The following PIK3C2G variants were observed in gnomAD, a reference collection of about 807,000 sequenced individuals.
The protein encoded by PIK3C2G is phosphatidylinositol-4-phosphate 3-kinase catalytic subunit type 2 gamma.
In PIK3C2G, 168 loss-of-function variants were observed where a neutral mutation model predicts 181.1. The observed-to-expected ratio is 0.93, with a 90% CI of 0.82 to 1.05. The LOEUF (loss-of-function observed/expected upper bound fraction) is 1.05, where lower values mean the gene tolerates loss of function less well. Ranked by LOEUF, PIK3C2G falls within the 50% of genes least tolerant of loss-of-function variation. The pLI is 0.00. For synonymous variants in PIK3C2G, 573 were observed against 592.2 expected, an observed-to-expected ratio of 0.97 and a Z score of 0.47; for missense variants, 1,869 against 1,732.8, an observed-to-expected ratio of 1.08 and a Z score of -1.40.
chr12:18,392,463 A>G (rs953280694), intron 15 of PIK3C2G, among the ~76,000 whole-genome samples: 4 of 152,088 alleles, frequency 2.6e-5, no homozygotes, highest in Non-Finnish European at 4.4e-5. Context: ...TAAACTTCAA[A>G]TGTGCTAGTC....
At chr12:18,708,614 C>A in the PIK3C2G span, among the ~76,000 whole-genome samples, 1 of 152,144 alleles carries the variant, frequency 6.6e-6, no homozygotes, top group African/African-American at 2.4e-5. Flanking sequence ...TACCAATCTA[C>A]ATTTCCATCA....
chr12:18,516,349 G>C (rs899787250), intron 24 of PIK3C2G, among the ~76,000 whole-genome samples: 15 of 150,260 alleles, frequency 1.0e-4, no homozygotes, highest in Non-Finnish European at 1.8e-4. Context: ...CCCACTGAAA[G>C]CTGGATTGAG....
chr12:18,361,326 G>C (rs1026643278), intron 11 of PIK3C2G, among the ~76,000 whole-genome samples: 1 of 151,756 alleles, frequency 6.6e-6, no homozygotes, highest in Non-Finnish European at 1.5e-5. Context: ...TTTTCATTGA[G>C]TATCTTTATG....
Position 18,503,375 on chromosome 12 carries a change from G to C in PIK3C2G, c.3111G>C (p.Lys1037Asn), listed in dbSNP as rs1592430072. ...CATTGAAAGAAAATACAATTAAAAA[G>C]TGGTTCAGTCAGCACAACCACTTAA... ...IGPLKENTIKKWFSQHNHLKA... is the reference protein window; with the variant it reads ...IGPLKENTIKNWFSQHNHLKA... Residue 1037 changes from lysine (K) to asparagine (N), a missense_variant, in exon 23 of 33, where the codon AAG becomes AAC. Physicochemically the swap from Lys to Asn is moderately conservative, Grantham distance 94. Transcript: ENST00000538779. 6.2e-7 allele frequency: 1 copy of C among 1,611,826 alleles called. No individual in the cohort carries two copies. Among genetic ancestry groups the C allele is most frequent in the Non-Finnish European group, 8.5e-7 (1 of 1,178,638 alleles).
At chr12:18,404,529 G>T (rs1432213829) in intron 16 of PIK3C2G, among the ~76,000 whole-genome samples, 1 of 152,166 alleles carries the variant, frequency 6.6e-6, no homozygotes, top group East Asian at 1.9e-4. Flanking sequence ...TTCAAGGAAA[G>T]TAAGGAAAAG....
chr12:18,678,075 A>G, the PIK3C2G span, among the ~76,000 whole-genome samples: 1 of 152,090 alleles, frequency 6.6e-6, no homozygotes, highest in Admixed American at 6.6e-5. Context: ...TATTATGCAA[A>G]CAACTCTATA....
chr12:18,267,086 T>C (rs1565534185), intron 1 of PIK3C2G, among the ~76,000 whole-genome samples: 1 of 152,130 alleles, frequency 6.6e-6, no homozygotes, highest in Non-Finnish European at 1.5e-5. Flanking sequence ...AATGTTACAA[T>C]TGTAGTATCA....
the PIK3C2G span, among the ~76,000 whole-genome samples, chr12:18,688,732 T>A: frequency 1.3e-5 from 2 of 152,078 alleles, no homozygotes; most frequent in African/African-American, 4.8e-5. Flanking sequence ...ATAATAATTG[T>A]ATTTAAACTT....
At chr12:18,330,304 G>A (rs190560758) in intron 8 of PIK3C2G, among the ~76,000 whole-genome samples, 7 of 152,182 alleles carry the variant, frequency 4.6e-5, no homozygotes, top group African/African-American at 9.6e-5. Context: ...GCCCAACTGC[G>A]TCTTTACAGT....
chr12:18,710,521 G>A, the PIK3C2G span, among the ~76,000 whole-genome samples: 1 of 151,986 alleles, frequency 6.6e-6, no homozygotes, highest in East Asian at 1.9e-4. Flanking sequence ...TGAGGCCGAA[G>A]GCTTTGAGAA....
At chr12:18,632,111 C>T (rs1949375378) in intron 31 of PIK3C2G, among the ~76,000 whole-genome samples, 1 of 152,036 alleles carries the variant, frequency 6.6e-6, no homozygotes. Flanking sequence ...GTGCACAGAA[C>T]AGCCCGCTGC....
chr12:18,328,654 G>C (rs1178149938), intron 8 of PIK3C2G, among the ~76,000 whole-genome samples: 1 of 151,928 alleles, frequency 6.6e-6, no homozygotes, highest in Non-Finnish European at 1.5e-5. Flanking sequence ...TTCATCACTA[G>C]AGTGAGGATA....
At chr12:18,712,698 T>C in the PIK3C2G span, 4 of 986,798 alleles carry the variant, frequency 4.1e-6, no homozygotes, top group Non-Finnish European at 6.1e-6. Context: ...ATATACAACA[T>C]GGATTTCACT....
chr12:18,456,435 T>C (rs1010379542), intron 18 of PIK3C2G, among the ~76,000 whole-genome samples: 24 of 152,136 alleles, frequency 1.6e-4, no homozygotes, highest in Admixed American at 1.1e-3. Flanking sequence ...TCCAGTTTCA[T>C]GGTGAAATAC....
the PIK3C2G span, among the ~76,000 whole-genome samples, chr12:18,690,704 G>T: frequency 5.9e-5 from 9 of 152,172 alleles, no homozygotes; most frequent in African/African-American, 2.2e-4. Context: ...CTTTCAAAAA[G>T]ACATGATTCC....
chr12:18,650,416 GA>G (rs1474585675), downstream of PIK3C2G, among the ~76,000 whole-genome samples: 2 of 142,892 alleles, frequency 1.4e-5, no homozygotes, highest in Non-Finnish European at 3.0e-5. Flanking sequence ...TTTTTTAAGA[GA>G]ATTACATAGG....
intron 18 of PIK3C2G, among the ~76,000 whole-genome samples, chr12:18,456,083 G>C (rs1947611097): frequency 6.6e-6 from 1 of 152,114 alleles, no homozygotes; most frequent in Non-Finnish European, 1.5e-5. Context: ...ACAAGTCCTT[G>C]TTCTCAAGAA....
chr12:18,413,756 A>T (rs1424886357), intron 16 of PIK3C2G, among the ~76,000 whole-genome samples: 1 of 152,126 alleles, frequency 6.6e-6, no homozygotes, highest in Non-Finnish European at 1.5e-5. Context: ...TATGATATAA[A>T]GGAATTATAT....
chr12:18,675,212 C>T, the PIK3C2G span, among the ~76,000 whole-genome samples: 2 of 152,116 alleles, frequency 1.3e-5, no homozygotes, highest in African/African-American at 4.8e-5. Context: ...CATGAGTAAA[C>T]TCTCCTCCTC....
Sources: gnomAD v4.1 joint callset for allele counts (sites outside exome capture counted in the v4.1 genomes callset) on GRCh38, gnomAD v4.1.1 for gene constraint, MANE v1.5 for transcripts, NCBI Gene and HGNC (gene_info 2026-07-23, HGNC 2026-07-21) for gene names.